The following RASEF variants were observed in gnomAD, a reference collection of about 807,000 sequenced individuals.
The protein encoded by RASEF is ras and EF-hand domain-containing protein.
Under a neutral mutation model 90.1 loss-of-function variants are expected in RASEF, and 68 were observed. That is an observed-to-expected ratio of 0.75 (90% confidence interval 0.62 to 0.92). RASEF has a LOEUF of 0.92. Among genes scored for constraint, RASEF ranks in the 40% least tolerant of loss-of-function variants. The pLI is 0.00. For missense variants in RASEF, 949 were observed against 937.2 expected (o/e 1.01, Z -0.16); for synonymous variants, 331 against 345.2 (o/e 0.96, Z 0.46).
intron 3 of RASEF, among the ~76,000 whole-genome samples, chr9:83,020,379 G>C (rs528932588): frequency 6.6e-6 from 1 of 152,332 alleles, no homozygotes; most frequent in South Asian, 2.1e-4. Context: ...GAGCCGAGGG[G>C]AGCCATGTGG....
chr9:83,212,217 G>A, the RASEF span, among the ~76,000 whole-genome samples: 3 of 152,286 alleles, frequency 2.0e-5, no homozygotes, highest in East Asian at 1.9e-4. Flanking sequence ...ACTTGCCCAA[G>A]GTCACATAGC....
chr9:83,177,389 T>C, the RASEF span, among the ~76,000 whole-genome samples: 1 of 152,186 alleles, frequency 6.6e-6, no homozygotes, highest in Non-Finnish European at 1.5e-5. Context: ...TTTGCTATGC[T>C]AGCAACAAAT....
At chr9:83,086,183 T>A in the RASEF span, among the ~76,000 whole-genome samples, 1 of 152,200 alleles carries the variant, frequency 6.6e-6, no homozygotes, top group East Asian at 1.9e-4. Context: ...AGAATTAATA[T>A]CTTAAAATCA....
At chr9:83,030,027 A>C (rs1449674658) in intron 1 of RASEF, among the ~76,000 whole-genome samples, 2 of 152,152 alleles carry the variant, frequency 1.3e-5, no homozygotes, top group Non-Finnish European at 2.9e-5. Flanking sequence ...AAGCATAAAA[A>C]CCTGCTCTTT....
intron 7 of RASEF, among the ~76,000 whole-genome samples, 182 bp from the exon 8 acceptor site, chr9:83,005,682 A>G (rs1238590328): frequency 6.6e-6 from 1 of 152,210 alleles, no homozygotes; most frequent in Non-Finnish European, 1.5e-5. Context: ...AAGTACAAGA[A>G]CTAAATTGAT....
the RASEF span, among the ~76,000 whole-genome samples, chr9:83,218,221 C>T: frequency 1.3e-5 from 2 of 152,154 alleles, no homozygotes; most frequent in Non-Finnish European, 2.9e-5. Context: ...CAAGTGTGCA[C>T]GTGGAAGCCA....
the RASEF span, among the ~76,000 whole-genome samples, chr9:83,138,415 A>G: frequency 6.6e-6 from 1 of 152,234 alleles, no homozygotes; most frequent in Non-Finnish European, 1.5e-5. Flanking sequence ...CAAGAGGATA[A>G]AAGCAATCTT....
the RASEF span, among the ~76,000 whole-genome samples, chr9:83,146,826 A>G: frequency 6.6e-6 from 1 of 152,228 alleles, no homozygotes; most frequent in South Asian, 2.1e-4. Flanking sequence ...GGCAGAGCAG[A>G]CAGAGCCCCC....
chr9:83,115,136 C>T, the RASEF span, among the ~76,000 whole-genome samples: 602 of 152,156 alleles, frequency 4.0e-3, 4 homozygotes, highest in African/African-American at 0.014. Context: ...AAAGAGCCTA[C>T]GTGAAATATC....
At chr9:83,101,896 G>A in the RASEF span, among the ~76,000 whole-genome samples, 13 of 152,072 alleles carry the variant, frequency 8.5e-5, no homozygotes, top group Admixed American at 8.5e-4. Context: ...ATGGCCAACG[G>A]CACTATAGCT....
At chr9:83,154,080 C>G in the RASEF span, among the ~76,000 whole-genome samples, 1 of 152,210 alleles carries the variant, frequency 6.6e-6, no homozygotes, top group Non-Finnish European at 1.5e-5. Context: ...TTGGCAAATA[C>G]AGACTCCAGA....
At position 83,000,530 on chromosome 9, in the gene RASEF, T is replaced by A; in HGVS notation, c.1478A>T (p.Asp493Val). 4 of 1,613,610 alleles carry A rather than the reference T, an allele frequency of 2.5e-6. No homozygotes were observed. Among genetic ancestry groups the A allele is most frequent in the Non-Finnish European group, 3.4e-6 (4 of 1,179,746 alleles). The stretch of plus-strand genomic sequence containing the variant: ...CTTCCAGTCTAAGACGGAAGCCACA[T>A]CTTCTAAACCAAATGTCTCTTCATC... Reference protein sequence around the residue: ...IRDEETFGLEDVASVLDWKPQ... With the variant: ...IRDEETFGLEVVASVLDWKPQ... Residue 493 changes from aspartate to valine, a missense_variant, in exon 11 of 17, where the codon GAT (aspartate) becomes GTT (valine). Physicochemically the swap from Asp to Val is radical, Grantham distance 152. Transcript: ENST00000376447.
the RASEF span, among the ~76,000 whole-genome samples, chr9:83,079,523 A>G: frequency 3.9e-5 from 6 of 152,216 alleles, no homozygotes; most frequent in Non-Finnish European, 7.3e-5. Flanking sequence ...TATCAAGAAG[A>G]CAGCACTAAA....
chr9:83,071,712 A>G, the RASEF span, among the ~76,000 whole-genome samples: 3 of 152,074 alleles, frequency 2.0e-5, no homozygotes, highest in African/African-American at 7.2e-5. Context: ...GGCTTCCTTC[A>G]TTTTGTTAAC....
At chr9:83,178,826 G>T in the RASEF span, among the ~76,000 whole-genome samples, 1 of 152,072 alleles carries the variant, frequency 6.6e-6, no homozygotes, top group Non-Finnish European at 1.5e-5. Context: ...TTTAGAAATG[G>T]GTTTCCTTCC....
At chr9:83,047,234 A>C (rs1248927385) in intron 1 of RASEF, among the ~76,000 whole-genome samples, 1 of 152,194 alleles carries the variant, frequency 6.6e-6, no homozygotes, top group Non-Finnish European at 1.5e-5. Context: ...TAAGGAACAA[A>C]GCTTGACTGA....
the RASEF span, among the ~76,000 whole-genome samples, chr9:83,216,805 G>A: frequency 6.6e-6 from 1 of 152,066 alleles, no homozygotes; most frequent in Non-Finnish European, 1.5e-5. Flanking sequence ...CTTTCCAAAT[G>A]GGAGAAACTG....
At chr9:83,178,574 C>T in the RASEF span, among the ~76,000 whole-genome samples, 2 of 152,160 alleles carry the variant, frequency 1.3e-5, no homozygotes, top group Non-Finnish European at 2.9e-5. Context: ...ATCTCCAAAG[C>T]TCCCCTTAAG....
At chr9:83,157,211 C>T in the RASEF span, among the ~76,000 whole-genome samples, 900 of 152,274 alleles carry the variant, frequency 5.9e-3, 11 homozygotes, top group African/African-American at 0.021. Flanking sequence ...GGTTAGTGTG[C>T]GTGAAAGTAT....
Sources: allele counts gnomAD v4.1 joint callset (sites outside exome capture counted in the v4.1 genomes callset), GRCh38; gene constraint gnomAD v4.1.1; transcripts MANE v1.5; gene names NCBI Gene and HGNC (gene_info 2026-07-23, HGNC 2026-07-21).